Variants in EML6 observed in about 807,000 individuals in gnomAD.
EML6 encodes the protein echinoderm microtubule-associated protein-like 6.
In EML6, 154 loss-of-function variants were observed where a neutral mutation model predicts 240.1. That is an observed-to-expected ratio of 0.64 (90% confidence interval 0.56 to 0.73). The LOEUF (loss-of-function observed/expected upper bound fraction) is 0.73, where lower values mean the gene tolerates loss of function less well. Ranked by LOEUF, EML6 falls within the 30% of genes least tolerant of loss-of-function variation. The pLI, the probability that EML6 is intolerant of heterozygous loss-of-function variation, is 0.00. For missense variants in EML6, 2,964 were observed against 2,474.6 expected (o/e 1.20, Z -4.20); for synonymous variants, 1,148 against 899.0 (o/e 1.28, Z -4.95).
Position 54,818,017 on chromosome 2 carries a change from C to A in EML6, c.456+1132C>A, listed in dbSNP as rs147933069. On this transcript the variant is annotated intron_variant, in intron 4 of 41. Transcript: ENST00000356458. ...CAGATAGAATCCTCTGGGGAGACTTCACGGCATATATATACACTCATACAT... is the reference window on the plus strand; with the variant it reads ...CAGATAGAATCCTCTGGGGAGACTTAACGGCATATATATACACTCATACAT... 2.5e-3 allele frequency among the ~76,000 whole-genome samples: 233 copies of A among 93,738 alleles called. 1 individual carries two copies. Among genetic ancestry groups the A allele is most frequent in the African/African-American group, 6.3e-3 (221 of 35,064 alleles). The allele number at this position is 93,738 out of a possible 152,430, so 61.5% of individuals were successfully genotyped here.
rs563981348 is a variant in EML6, at chr2:54,888,554, A to AT, written c.2439-2494dup. Among the ~76,000 whole-genome samples, 6 of 152,138 alleles carry AT rather than the reference A, an allele frequency of 3.9e-5. No individual in the cohort carries two copies. The South Asian group carries it at 6.2e-4, about 16-fold the overall frequency. ...CCTCTGTATACTGTGGCAACCACTA[A>AT]TTTTTTACCCATGTTAGTAGTTTTT... On this transcript the variant is annotated intron_variant, in intron 17 of 41. Coordinates refer to ENST00000356458, the MANE Select transcript of EML6 (RefSeq NM_001039753.4).
chr2:54,745,036 C>T (rs1215119166), intron 2 of EML6, among the ~76,000 whole-genome samples: 9 of 151,714 alleles, frequency 5.9e-5, no homozygotes, highest in African/African-American at 1.9e-4. Flanking sequence ...AGAGGGCCTG[C>T]CTGCCTGCAC....
chr2:54,926,790 C>A (rs1674570901), intron 26 of EML6, among the ~76,000 whole-genome samples: 1 of 152,154 alleles, frequency 6.6e-6, no homozygotes, highest in African/African-American at 2.4e-5. Flanking sequence ...CTCTTTCTTC[C>A]TCTATGTCCC....
chr2:54,808,641 G>A (rs114595129), intron 2 of EML6, among the ~76,000 whole-genome samples: 1,800 of 152,250 alleles, frequency 0.012, 35 homozygotes, highest in African/African-American at 0.041. Context: ...TTTAAATGCT[G>A]CACTTGGAAC....
intron 2 of EML6, among the ~76,000 whole-genome samples, chr2:54,807,593 G>C (rs1243951731): frequency 6.6e-6 from 1 of 152,162 alleles, no homozygotes; most frequent in Non-Finnish European, 1.5e-5. Flanking sequence ...AAATGGAGTT[G>C]GGAAGAGGTG....
At chr2:54,942,131 T>A (rs1326121338) in intron 28 of EML6, among the ~76,000 whole-genome samples, 1 of 152,244 alleles carries the variant, frequency 6.6e-6, no homozygotes, top group Non-Finnish European at 1.5e-5. Context: ...TTCTGTCTGA[T>A]AATTTTAGGC....
chr2:54,868,457 C>T (rs576236980), intron 14 of EML6: 6 of 152,248 alleles, frequency 3.9e-5, no homozygotes, highest in African/African-American at 1.4e-4. Flanking sequence ...TCTCAGTTCT[C>T]ATTTTTGTAT....
intron 30 of EML6, among the ~76,000 whole-genome samples, chr2:54,951,551 GA>G (rs11375657): frequency 3.2e-4 from 46 of 144,754 alleles, no homozygotes; most frequent in African/African-American, 6.6e-4. Context: ...ATTTCAAAAA[GA>G]AAAAAAAAAA....
intron 5 of EML6, among the ~76,000 whole-genome samples, chr2:54,823,411 T>A (rs143294225): frequency 6.6e-6 from 1 of 152,228 alleles, no homozygotes; most frequent in Non-Finnish European, 1.5e-5. Context: ...GCTCATGATA[T>A]GTTCCAAGAT....
At chr2:54,789,544 AAAAAG>A (rs1669309069) in intron 2 of EML6, among the ~76,000 whole-genome samples, 17 of 142,504 alleles carry the variant, frequency 1.2e-4, no homozygotes, top group African/African-American at 3.6e-4. Context: ...AAAAAAAAAA[AAAAAG>A]AAAAAGAATG....
rs372229928 is a variant in EML6 at position 54,829,448 on chromosome 2, A to G, written c.818A>G (p.Asp273Gly). ...GATTTCAAACCAATAACCAAAATTG[A>G]TCTCAGGGAGACAGAACAAGGATAC... ...DTDFKPITKI[D>G]LRETEQGYKG... is the part of the protein sequence containing the mutation. The change falls in exon 7 of 42, where the codon GAT becomes GGT. Residue 273 changes from aspartate (D) to glycine (G), a missense_variant. By Grantham distance (94) the Asp-to-Gly change is moderately conservative (BLOSUM62 -1). Coordinates refer to ENST00000356458, the MANE Select transcript of EML6 (RefSeq NM_001039753.4). 1 of 1,551,894 alleles carries G rather than the reference A, an allele frequency of 6.4e-7. No individual in the cohort carries two copies. Among genetic ancestry groups the G allele is most frequent in the Non-Finnish European group, 8.7e-7 (1 of 1,146,764 alleles).
intron 7 of EML6, among the ~76,000 whole-genome samples, chr2:54,838,754 G>A (rs1229074539): frequency 2.0e-5 from 3 of 152,164 alleles, no homozygotes; most frequent in African/African-American, 4.8e-5. Context: ...CTGGCTCTCT[G>A]TACCAAGCAT....
chr2:54,906,755 G>A lies in EML6; in HGVS notation c.3409+3253G>A, dbSNP rs572823367. Among the ~76,000 whole-genome samples, 3 of 152,280 alleles carry A rather than the reference G, an allele frequency of 2.0e-5. No homozygotes were observed. The East Asian group carries it at 5.8e-4, about 29-fold the overall frequency. On this transcript the variant is annotated intron_variant, in intron 24 of 41. Transcript: ENST00000356458. ...TCTAACTCCACTAGCCATGAGACAT[G>A]TGTCATCCTGATATTCCTGCATTCC...
chr2:54,922,641 A>C (rs1309935965), intron 26 of EML6, among the ~76,000 whole-genome samples: 1 of 152,242 alleles, frequency 6.6e-6, no homozygotes, highest in Non-Finnish European at 1.5e-5. Flanking sequence ...GAAACAACTG[A>C]AGTATCTATC....
In EML6 at chr2:54,959,249, GA is replaced by G; in HGVS notation, c.4845del (p.Glu1616ArgfsTer10). On this transcript the variant is annotated frameshift_variant, in exon 34 of 42. Transcript: ENST00000356458. LOFTEE classifies it high-confidence loss of function. ...TLRDGLIVTG[G>X]KERPTKEGGA... Reference sequence around the variant, plus strand: ...CGGGATGGACTCATAGTGACCGGCGGAAAAGAGAGGCCGTAAGCCAAAGCTC... The same window carrying G: ...CGGGATGGACTCATAGTGACCGGCGGAAAGAGAGGCCGTAAGCCAAAGCTC... 3 of 1,537,434 alleles carry G rather than the reference GA, an allele frequency of 2.0e-6. No individual in the cohort carries two copies. Among genetic ancestry groups the G allele is most frequent in the Non-Finnish European group, 1.8e-6 (2 of 1,140,030 alleles).
At chr2:54,778,690 C>T (rs1668704248) in intron 2 of EML6, among the ~76,000 whole-genome samples, 1 of 151,738 alleles carries the variant, frequency 6.6e-6, no homozygotes, top group Non-Finnish European at 1.5e-5. Flanking sequence ...AGATCGAGAC[C>T]ATCCTGGCTA....
intron 4 of EML6, among the ~76,000 whole-genome samples, chr2:54,819,158 TTTA>T (rs1668211085): frequency 6.6e-6 from 1 of 152,156 alleles, no homozygotes; most frequent in Non-Finnish European, 1.5e-5. Context: ...TAATTGCTCC[TTTA>T]TATGTGATGA....
In EML6 at chr2:54,952,585, C is replaced by G. The variant is rs1676038256; in HGVS notation, c.4214-9C>G. 3 of 1,543,432 alleles carry G rather than the reference C, an allele frequency of 1.9e-6. No individual in the cohort carries two copies. In the East Asian group the frequency reaches 7.4e-5, roughly 38 times the overall value. On this transcript the variant is annotated splice_polypyrimidine_tract_variant and intron_variant, in intron 30 of 41. Coordinates refer to ENST00000356458, the MANE Select transcript of EML6 (RefSeq NM_001039753.4). ...CACTGTTCACCCTCCCATGATCTCTCTCCCCCAGGGAGCCAGAGCTTCTAT... is the reference window on the plus strand; with the variant it reads ...CACTGTTCACCCTCCCATGATCTCTGTCCCCCAGGGAGCCAGAGCTTCTAT...
chr2:54,834,446 C>CT (rs1353583740), intron 7 of EML6, among the ~76,000 whole-genome samples: 1 of 152,088 alleles, frequency 6.6e-6, no homozygotes, highest in Non-Finnish European at 1.5e-5. Flanking sequence ...ATGATTCTGT[C>CT]TAAAGGAATA....
Sources: gnomAD v4.1 joint callset for allele counts (sites outside exome capture counted in the v4.1 genomes callset) on GRCh38, gnomAD v4.1.1 for gene constraint, MANE v1.5 for transcripts, NCBI Gene and HGNC (gene_info 2026-07-23, HGNC 2026-07-21) for gene names.